The following TRA2A variants were observed in gnomAD, a reference collection of about 807,000 sequenced individuals.
The protein encoded by TRA2A is transformer 2 alpha homolog, also known as transformer-2 protein homolog alpha.
TRA2A carries 31 observed loss-of-function variants against 45.7 expected under a neutral mutation model. The ratio of observed to expected loss-of-function variants is 0.68; its 90% confidence interval spans 0.51 to 0.92. TRA2A has a LOEUF of 0.92. Ranked by LOEUF, TRA2A falls within the 40% of genes least tolerant of loss-of-function variation. The pLI, the probability that TRA2A is intolerant of heterozygous loss-of-function variation, is 0.00. For synonymous variants in TRA2A, 132 were observed against 126.2 expected, an observed-to-expected ratio of 1.05 and a Z score of -0.31; for missense variants, 304 against 367.5, an observed-to-expected ratio of 0.83 and a Z score of 1.41.
intron 3 of TRA2A, among the ~76,000 whole-genome samples, chr7:23,515,354 G>T (rs576901051): frequency 3.5e-5 from 5 of 144,364 alleles, no homozygotes; most frequent in East Asian, 2.1e-4. Flanking sequence ...CTCAGCCTCC[G>T]GAGTAGCTGG....
intron 3 of TRA2A, among the ~76,000 whole-genome samples, 179 bp downstream of exon 3, chr7:23,516,184 T>C (rs1464893805): frequency 6.6e-6 from 1 of 152,130 alleles, no homozygotes; most frequent in Non-Finnish European, 1.5e-5. Flanking sequence ...TCATAAAACA[T>C]GGTAAGCTTA....
At chr7:23,518,053 C>A (rs1346876887) in intron 2 of TRA2A, among the ~76,000 whole-genome samples, 3 of 151,886 alleles carry the variant, frequency 2.0e-5, no homozygotes, top group Non-Finnish European at 4.4e-5. Flanking sequence ...ATTCTTCCAC[C>A]TCAGCTTCCC....
intron 1 of TRA2A, chr7:23,531,234 GCAA>G (rs1790568180): frequency 2.0e-6 from 2 of 986,938 alleles, no homozygotes; most frequent in African/African-American, 3.5e-5. Flanking sequence ...CTTTTTAGAC[GCAA>G]CGCCGCCGGT....
chr7:23,507,553 A>G lies in TRA2A; in HGVS notation c.526-18T>C. 1.3e-6 allele frequency: 2 copies of G among 1,558,984 alleles called. No homozygotes were observed. Among genetic ancestry groups the G allele is most frequent in the Non-Finnish European group, 1.8e-6 (2 of 1,130,148 alleles). ...TCCATAGCCTATAAAGAACAGGCACAAAAAGTCACGTATAATTCACCAGTC... is the reference window on the plus strand; with the variant it reads ...TCCATAGCCTATAAAGAACAGGCACGAAAAGTCACGTATAATTCACCAGTC... On this transcript the variant is annotated intron_variant, in intron 4 of 7. Coordinates refer to ENST00000297071, the MANE Select transcript of TRA2A (RefSeq NM_013293.5).
At chr7:23,529,897 T>C (rs1790500960) in intron 1 of TRA2A, among the ~76,000 whole-genome samples, 1 of 147,618 alleles carries the variant, frequency 6.8e-6, no homozygotes, top group Non-Finnish European at 1.5e-5. Flanking sequence ...TCACCCAGGC[T>C]GGTAGGTGGG....
At chr7:23,505,999 T>A in intron 6 of TRA2A, 139 bp downstream of exon 6, 1 of 797,758 alleles carries the variant, frequency 1.3e-6, no homozygotes, top group South Asian at 2.0e-5. Flanking sequence ...ATATACAGAC[T>A]GCTAACTTCT....
At position 23,531,939 on chromosome 7, in the gene TRA2A, C is replaced by G; in HGVS notation, c.-115G>C. The G allele has an allele frequency of 3.5e-6, 4 of 1,129,482 alleles. No homozygotes were observed. The highest frequency in any genetic ancestry group is 3.9e-6 in the Non-Finnish European group (3 of 770,594). The allele number at this position is 1,129,482 out of a possible 1,614,324, so 70.0% of individuals were successfully genotyped here. A position where few individuals can be genotyped will look rare whatever the true frequency, so the allele number is the denominator to read the frequency against. ...AAGAGGAAAGAGTCGGCAACCACAGCCGCTCCACTCCACTCCCACTCGGTC... is the reference window on the plus strand; with the variant it reads ...AAGAGGAAAGAGTCGGCAACCACAGGCGCTCCACTCCACTCCCACTCGGTC... On this transcript the variant is annotated 5_prime_UTR_variant, in exon 1 of 8. Transcript: ENST00000297071.
intron 4 of TRA2A, among the ~76,000 whole-genome samples, chr7:23,511,784 C>G (rs1408408946): frequency 2.6e-5 from 4 of 152,134 alleles, no homozygotes; most frequent in Non-Finnish European, 1.5e-5. Flanking sequence ...AGCACTATTT[C>G]AAGTCATTGA....
At chr7:23,506,414 C>T in intron 5 of TRA2A, 148 bp from the exon 6 acceptor site, 1 of 986,502 alleles carries the variant, frequency 1.0e-6, no homozygotes, top group African/African-American at 1.6e-5. Flanking sequence ...TTACTGACTC[C>T]CATGGTATTC....
At chr7:23,514,045 A>AT (rs1053355163) in intron 3 of TRA2A, among the ~76,000 whole-genome samples, 34 of 151,320 alleles carry the variant, frequency 2.2e-4, no homozygotes, top group African/African-American at 7.8e-4. Flanking sequence ...AAGTACATTG[A>AT]TTTTTTTACT....
intron 4 of TRA2A, among the ~76,000 whole-genome samples, chr7:23,509,606 T>G (rs961083787): frequency 2.6e-5 from 4 of 152,112 alleles, no homozygotes; most frequent in East Asian, 3.9e-4. Flanking sequence ...TGTGGTGGCA[T>G]GCACCTATAG....
In TRA2A at chr7:23,507,347, TTC is replaced by T. The variant is rs1416281916; in HGVS notation, c.641+71_641+72del. On this transcript the variant is annotated intron_variant, in intron 5 of 7. Coordinates refer to ENST00000297071, the MANE Select transcript of TRA2A (RefSeq NM_013293.5). ...TCAATTCTAATTATAGGAAAAAAGTTTCTGAGTAATCAAAATTTTGCACATAT... is the reference window on the plus strand; with the variant it reads ...TCAATTCTAATTATAGGAAAAAAGTTTGAGTAATCAAAATTTTGCACATAT... 4.1e-6 allele frequency: 5 copies of T among 1,220,886 alleles called. No individual in the cohort carries two copies. The Admixed American group carries it at 7.3e-5, about 18-fold the overall frequency. The allele number at this position is 1,220,886 out of a possible 1,614,324, so 75.6% of individuals were successfully genotyped here. A position where few individuals can be genotyped will look rare whatever the true frequency, so the allele number is the denominator to read the frequency against.
intron 4 of TRA2A, among the ~76,000 whole-genome samples, chr7:23,512,371 C>T (rs1789661923): frequency 6.6e-6 from 1 of 152,162 alleles, no homozygotes; most frequent in Non-Finnish European, 1.5e-5. Context: ...GTAGTGTCTG[C>T]TACTCAGGAG....
chr7:23,517,473 G>T (rs1214500308), intron 2 of TRA2A, among the ~76,000 whole-genome samples: 2 of 18,792 alleles, frequency 1.1e-4, no homozygotes, highest in Admixed American at 8.2e-4. Context: ...GCAAGACTAC[G>T]TCTCAAAAAA....
chr7:23,529,404 G>A (rs1790474231), intron 1 of TRA2A, among the ~76,000 whole-genome samples: 1 of 152,108 alleles, frequency 6.6e-6, no homozygotes, highest in Non-Finnish European at 1.5e-5. Flanking sequence ...GTGATCACAG[G>A]CGCACGCCAC....
intron 4 of TRA2A, among the ~76,000 whole-genome samples, 171 bp from the exon 5 acceptor site, chr7:23,507,706 C>A (rs1365772221): frequency 6.6e-6 from 1 of 152,192 alleles, no homozygotes; most frequent in Non-Finnish European, 1.5e-5. Context: ...TCAACAATGT[C>A]CAGAACACAT....
intron 1 of TRA2A, among the ~76,000 whole-genome samples, chr7:23,525,043 A>G (rs984418278): frequency 2.1e-4 from 32 of 152,178 alleles, no homozygotes; most frequent in African/African-American, 7.7e-4. Flanking sequence ...ATCAGTAACT[A>G]TTAGTAAACT....
chr7:23,512,123 A>G (rs938109051), intron 4 of TRA2A, among the ~76,000 whole-genome samples: 2 of 152,246 alleles, frequency 1.3e-5, no homozygotes, highest in East Asian at 3.8e-4. Context: ...TGCCTATAGC[A>G]GAGAGCATAA....
Position 23,516,403 on chromosome 7 carries a change from T to G in TRA2A, c.296A>C (p.His99Pro). ...TCTTCTCCGGTTAGACATTGGAGAA[T>G]GGCTTCGGCTCCTTCGCCGCCGGTA... Reference protein sequence around the residue: ...PEYRRRRSRSHSPMSNRRRHT... With the variant: ...PEYRRRRSRSPSPMSNRRRHT... Residue 99 changes from histidine to proline, a missense_variant, in exon 3 of 8, where the codon CAT becomes CCT. Coordinates refer to ENST00000297071, the MANE Select transcript of TRA2A (RefSeq NM_013293.5). 1 of 1,614,226 alleles carries G rather than the reference T, an allele frequency of 6.2e-7. No individual in the cohort carries two copies. Among genetic ancestry groups the G allele is most frequent in the Non-Finnish European group, 8.5e-7 (1 of 1,180,034 alleles).
Sources: allele counts gnomAD v4.1 joint callset (sites outside exome capture counted in the v4.1 genomes callset), GRCh38; gene constraint gnomAD v4.1.1; transcripts MANE v1.5; gene names NCBI Gene and HGNC (gene_info 2026-07-23, HGNC 2026-07-21).